TENM4: variants seen among roughly 807,000 people sequenced by gnomAD.
TENM4 encodes teneurin transmembrane protein 4, also known as teneurin-4.
TENM4 carries 82 observed loss-of-function variants against 243.3 expected under a neutral mutation model. The ratio of observed to expected loss-of-function variants is 0.34; its 90% CI spans 0.28 to 0.40. The LOEUF (loss-of-function observed/expected upper bound fraction) is 0.40, where lower values mean the gene tolerates loss of function less well. Among genes scored for constraint, TENM4 ranks in the 10% least tolerant of loss-of-function variants. TENM4 has a pLI of 1.00. For missense variants in TENM4, 3,138 were observed against 3,673.3 expected, an observed-to-expected ratio of 0.85 and a Z score of 3.77; for synonymous variants, 1,412 against 1,456.3, an observed-to-expected ratio of 0.97 and a Z score of 0.69.
At chr11:79,070,144 C>CTACGCAGCCCA (rs1264427935) in intron 4 of TENM4, 135 bp from the exon 5 acceptor site, 10 of 1,117,240 alleles carry the variant, frequency 9.0e-6, no homozygotes, top group Non-Finnish European at 1.2e-5. Context: ...CGCTCCACCA[C>CTACGCAGCCCA]TACGCAGCCC....
At chr11:79,009,258 A>C (rs1858579192) in intron 6 of TENM4, among the ~76,000 whole-genome samples, 1 of 152,104 alleles carries the variant, frequency 6.6e-6, no homozygotes, top group South Asian at 2.1e-4. Context: ...GCTTACCCCA[A>C]GGTTATCTCA....
chr11:79,252,943 G>A (rs1236264066), intron 2 of TENM4, among the ~76,000 whole-genome samples: 1 of 152,198 alleles, frequency 6.6e-6, no homozygotes, highest in Non-Finnish European at 1.5e-5. Flanking sequence ...GCTTGTTAAT[G>A]CAGCATGATT....
At chr11:78,965,113 T>C (rs1176288374) in intron 6 of TENM4, among the ~76,000 whole-genome samples, 2 of 152,022 alleles carry the variant, frequency 1.3e-5, no homozygotes, top group African/African-American at 2.4e-5. Flanking sequence ...AAAGATCTGC[T>C]CGCTTAGGCC....
chr11:78,816,673 T>G (rs1180685989), intron 12 of TENM4, among the ~76,000 whole-genome samples: 1 of 152,156 alleles, frequency 6.6e-6, no homozygotes, highest in Admixed American at 6.5e-5. Flanking sequence ...TAGAGTCAGA[T>G]TTGAAAGTAA....
At chr11:78,823,454 T>C (rs1268154899) in intron 12 of TENM4, among the ~76,000 whole-genome samples, 2 of 152,146 alleles carry the variant, frequency 1.3e-5, no homozygotes, top group East Asian at 1.9e-4. Flanking sequence ...TGAACTAAAA[T>C]GTACCCAGGG....
At chr11:79,261,071 G>C (rs1236828579) in intron 2 of TENM4, among the ~76,000 whole-genome samples, 1 of 152,232 alleles carries the variant, frequency 6.6e-6, no homozygotes, top group African/African-American at 2.4e-5. Flanking sequence ...TTTGCCATGA[G>C]GCACAGGGGG....
intron 6 of TENM4, among the ~76,000 whole-genome samples, chr11:79,031,543 T>G (rs1859237443): frequency 6.6e-6 from 1 of 152,162 alleles, no homozygotes; most frequent in Non-Finnish European, 1.5e-5. Flanking sequence ...ACCGCTGCTG[T>G]CTCAGAATCC....
intron 24 of TENM4, 113 bp from the exon 25 acceptor site, chr11:78,720,503 G>GT: frequency 9.6e-7 from 1 of 1,041,774 alleles, no homozygotes; most frequent in Non-Finnish European, 1.5e-6. Context: ...ATACAATACT[G>GT]TAATAAATAA....
At chr11:79,334,743 C>T (rs1384035637) in intron 1 of TENM4, among the ~76,000 whole-genome samples, 1 of 152,210 alleles carries the variant, frequency 6.6e-6, no homozygotes, top group Non-Finnish European at 1.5e-5. Flanking sequence ...TGATCTTGAA[C>T]AATCACAATG....
Position 79,126,791 on chromosome 11 carries a change from C to T in TENM4, c.-66+21919G>A, listed in dbSNP as rs556143600. Among the ~76,000 whole-genome samples, 137 of 152,284 alleles carry T rather than the reference C, an allele frequency of 9.0e-4. 1 individual carries two copies. The highest frequency in any genetic ancestry group is 6.0e-3 in the South Asian group (29 of 4,818). On this transcript the variant is annotated intron_variant, in intron 4 of 33. Transcript: ENST00000278550. ...GGCCAGCTCTGCTTGAGGAAGGACC[C>T]TACTACATTATCAACAATTTATCCA...
intron 7 of TENM4, among the ~76,000 whole-genome samples, chr11:78,895,872 G>T (rs1490420075): frequency 2.6e-5 from 4 of 152,196 alleles, no homozygotes; most frequent in African/African-American, 9.7e-5. Context: ...TGCCTCTCAG[G>T]AAAGAGGTTC....
chr11:78,684,067 C>T (rs1858593052), intron 29 of TENM4, among the ~76,000 whole-genome samples: 1 of 152,194 alleles, frequency 6.6e-6, no homozygotes, highest in African/African-American at 2.4e-5. Flanking sequence ...ACTCCCTGTC[C>T]TGTACACCCC....
chr11:78,968,591 T>C (rs1225732353), intron 6 of TENM4, among the ~76,000 whole-genome samples: 1 of 152,120 alleles, frequency 6.6e-6, no homozygotes, highest in Admixed American at 6.5e-5. Context: ...GACACCTGTA[T>C]GGTGGAGATT....
At chr11:79,423,852 T>A (rs1858992252) in intron 1 of TENM4, among the ~76,000 whole-genome samples, 1 of 152,094 alleles carries the variant, frequency 6.6e-6, no homozygotes, top group Non-Finnish European at 1.5e-5. Context: ...ATACTTCTAG[T>A]CCTTTTGGAA....
intron 4 of TENM4, among the ~76,000 whole-genome samples, chr11:79,134,305 C>A (rs2137170385): frequency 6.6e-6 from 1 of 152,220 alleles, no homozygotes; most frequent in East Asian, 1.9e-4. Context: ...CAAAAGATCT[C>A]TACAAGGAAA....
chr11:78,762,833 T>C (rs1440531125), intron 18 of TENM4, among the ~76,000 whole-genome samples: 1 of 152,178 alleles, frequency 6.6e-6, no homozygotes, highest in Non-Finnish European at 1.5e-5. Context: ...TGGCTCCCAA[T>C]TTAATTTTCT....
intron 4 of TENM4, among the ~76,000 whole-genome samples, chr11:79,091,743 C>T (rs1426033538): frequency 1.3e-5 from 2 of 152,188 alleles, no homozygotes; most frequent in African/African-American, 4.8e-5. Context: ...CACAGACCTT[C>T]ACATCCTCAC....
At chr11:79,062,692 T>C (rs1443051435) in intron 6 of TENM4, among the ~76,000 whole-genome samples, 1 of 152,178 alleles carries the variant, frequency 6.6e-6, no homozygotes, top group African/African-American at 2.4e-5. Flanking sequence ...ATTTTATAGA[T>C]GAGGAAACTG....
At chr11:79,181,704 T>TA (rs369480204) in intron 3 of TENM4, among the ~76,000 whole-genome samples, 97 of 138,598 alleles carry the variant, frequency 7.0e-4, no homozygotes, top group South Asian at 1.6e-3. Flanking sequence ...AAGAACTGAT[T>TA]AAAAAAAAAA....
Sources: allele counts gnomAD v4.1 joint callset (sites outside exome capture counted in the v4.1 genomes callset), GRCh38; gene constraint gnomAD v4.1.1; transcripts MANE v1.5; gene names NCBI Gene and HGNC (gene_info 2026-07-23, HGNC 2026-07-21).